The following DGCR2 variants were observed in gnomAD, a reference collection of about 807,000 sequenced individuals.
DGCR2 encodes integral membrane protein DGCR2/IDD.
DGCR2 carries 24 observed loss-of-function variants against 51.6 expected under a neutral mutation model. The observed-to-expected ratio is 0.47, with a 90% CI of 0.34 to 0.65. The LOEUF is 0.65. DGCR2 is among the 30% of genes least tolerant of loss of function. DGCR2 has a pLI of 0.01. For synonymous variants in DGCR2, 340 were observed against 315.4 expected (o/e 1.08, Z -0.82); for missense variants, 765 against 772.1 (o/e 0.99, Z 0.11).
chr22:19,048,166 T>G (rs1314267103), intron 7 of DGCR2: 15 of 526,428 alleles, frequency 2.8e-5, no homozygotes, highest in Non-Finnish European at 3.4e-5. Flanking sequence ...TGGTGACTTG[T>G]GAACAAACAG....
chr22:19,093,494 C>T (rs2083103308), intron 1 of DGCR2, among the ~76,000 whole-genome samples: 1 of 151,960 alleles, frequency 6.6e-6, no homozygotes, highest in Non-Finnish European at 1.5e-5. Flanking sequence ...AATATATCTA[C>T]CAAAAACACA....
intron 1 of DGCR2, among the ~76,000 whole-genome samples, chr22:19,114,151 G>GAAAAAAA: frequency 8.8e-6 from 1 of 113,070 alleles, no homozygotes. Context: ...TGTTACCAAA[G>GAAAAAAA]GAAAAAAAAA....
At chr22:19,071,475 G>C (rs1248052092) in intron 2 of DGCR2, among the ~76,000 whole-genome samples, 3 of 151,852 alleles carry the variant, frequency 2.0e-5, no homozygotes, top group African/African-American at 7.3e-5. Flanking sequence ...ACATAGTATT[G>C]CTACCTAAAA....
At chr22:19,120,750 T>C (rs774982728) in intron 1 of DGCR2, among the ~76,000 whole-genome samples, 13 of 152,142 alleles carry the variant, frequency 8.5e-5, no homozygotes, top group South Asian at 4.1e-4. Context: ...CACGTACATA[T>C]ATGTTTTCTA....
Position 19,096,914 on chromosome 22 carries a change from T to C in DGCR2, c.80-7424A>G, listed in dbSNP as rs544167258. Among the ~76,000 whole-genome samples, 185 of 150,592 alleles carry C rather than the reference T, an allele frequency of 1.2e-3. 1 individual carries two copies. Among genetic ancestry groups the C allele is most frequent in the African/African-American group, 4.4e-3 (180 of 40,920 alleles). ...AAAAACAAAAAAAAAAAACACCCTA[T>C]GGTGTTGTTCAAAGTAAATTCATAG... On this transcript the variant is annotated intron_variant, in intron 1 of 9. Transcript: ENST00000263196.
chr22:19,069,669 T>C (rs917750886), intron 2 of DGCR2, among the ~76,000 whole-genome samples: 3 of 152,196 alleles, frequency 2.0e-5, no homozygotes, highest in Non-Finnish European at 2.9e-5. Context: ...CAAATGGATT[T>C]CTTTCATCCC....
rs549145384 is a variant in DGCR2 at position 19,071,234 on chromosome 22, A to C, written c.203-3009T>G. On this transcript the variant is annotated intron_variant, in intron 2 of 9. Coordinates refer to ENST00000263196, the MANE Select transcript of DGCR2 (RefSeq NM_005137.3). Reference sequence around the variant, plus strand: ...ATGTGCCCCTCCTGCCTCCAGCACCACTAGAGTGCCACGCTGCTGCTTCCC... The same window carrying C: ...ATGTGCCCCTCCTGCCTCCAGCACCCCTAGAGTGCCACGCTGCTGCTTCCC... Among the ~76,000 whole-genome samples, 9 of 152,312 alleles carry C rather than the reference A, an allele frequency of 5.9e-5. No homozygotes were observed. In the East Asian group the frequency reaches 1.7e-3, roughly 29 times the overall value.
At chr22:19,044,956 A>G (rs1055303348) in intron 7 of DGCR2, among the ~76,000 whole-genome samples, 3 of 151,864 alleles carry the variant, frequency 2.0e-5, no homozygotes, top group African/African-American at 7.3e-5. Flanking sequence ...TGTGTTCCAA[A>G]GAACAGAAGT....
chr22:19,072,601 C>T (rs1015209479), intron 2 of DGCR2, among the ~76,000 whole-genome samples: 1 of 152,134 alleles, frequency 6.6e-6, no homozygotes, highest in Non-Finnish European at 1.5e-5. Context: ...GGACCGGGCA[C>T]GGTGCCTCAC....
intron 1 of DGCR2, among the ~76,000 whole-genome samples, chr22:19,094,688 T>C (rs1347360301): frequency 6.6e-6 from 1 of 152,260 alleles, no homozygotes; most frequent in East Asian, 1.9e-4. Flanking sequence ...CACAAAGACT[T>C]GTTCATAGTA....
At chr22:19,121,353 G>A (rs1284494072) in intron 1 of DGCR2, among the ~76,000 whole-genome samples, 1 of 152,190 alleles carries the variant, frequency 6.6e-6, no homozygotes, top group Non-Finnish European at 1.5e-5. Context: ...CCGTGGGCAA[G>A]TGATACCAGG....
chr22:19,115,417 T>C (rs2083363609), intron 1 of DGCR2, among the ~76,000 whole-genome samples: 1 of 152,102 alleles, frequency 6.6e-6, no homozygotes. Flanking sequence ...AGCAAGCTCC[T>C]ACCAGGGTGG....
intron 5 of DGCR2, among the ~76,000 whole-genome samples, chr22:19,059,657 G>C (rs1247814115): frequency 2.0e-5 from 3 of 152,072 alleles, no homozygotes; most frequent in African/African-American, 7.2e-5. Flanking sequence ...CAGGGTGGCG[G>C]CAAGTTTCCA....
At chr22:19,098,973 G>A (rs957726174) in intron 1 of DGCR2, among the ~76,000 whole-genome samples, 8 of 152,230 alleles carry the variant, frequency 5.3e-5, no homozygotes, top group South Asian at 2.1e-4. Context: ...AATGCCTAAT[G>A]AACTGCACAG....
rs759961985 is a variant in DGCR2 at position 19,063,208 on chromosome 22, A to T, written c.619T>A (p.Phe207Ile). 1 of 1,614,094 alleles carries T rather than the reference A, an allele frequency of 6.2e-7. No homozygotes were observed. Among genetic ancestry groups the T allele is most frequent in the South Asian group, 1.1e-5 (1 of 91,078 alleles). ...ACACACCAGAAGGGCTCACCTTTGA[A>T]TGCCACCTCCCAGCGACCTTCCAAG... The part of the protein sequence containing the change: ...RSLEGRWEVA[F>I]KGSSEVFLPP... Residue 207 changes from phenylalanine to isoleucine, a missense_variant, in exon 5 of 10, where the codon TTC becomes ATC. Coordinates refer to ENST00000263196, the MANE Select transcript of DGCR2 (RefSeq NM_005137.3).
intron 7 of DGCR2, among the ~76,000 whole-genome samples, chr22:19,043,129 C>G (rs992230766): frequency 6.6e-6 from 1 of 152,240 alleles, no homozygotes; most frequent in Non-Finnish European, 1.5e-5. Context: ...GAGTCCCAGC[C>G]AGGCTAGACG....
intron 7 of DGCR2, chr22:19,045,365 TAAAC>T (rs3079829): frequency 5.9e-5 from 9 of 151,750 alleles, no homozygotes; most frequent in African/African-American, 1.2e-4. Flanking sequence ...TGACTCGTCT[TAAAC>T]AAACAAAAAC....
intron 7 of DGCR2, among the ~76,000 whole-genome samples, chr22:19,044,827 C>T (rs909943010): frequency 3.9e-5 from 6 of 152,330 alleles, no homozygotes; most frequent in African/African-American, 1.4e-4. Context: ...TTTTCAATAG[C>T]ATTGTTTTGT....
chr22:19,055,584 G>T (rs574017503), intron 6 of DGCR2, among the ~76,000 whole-genome samples: 105 of 152,150 alleles, frequency 6.9e-4, no homozygotes, highest in Middle Eastern at 3.4e-3. Context: ...TTTGAAAGAA[G>T]AAACAAACCC....
Sources: gnomAD v4.1 joint callset for allele counts (sites outside exome capture counted in the v4.1 genomes callset) on GRCh38, gnomAD v4.1.1 for gene constraint, MANE v1.5 for transcripts, NCBI Gene and HGNC (gene_info 2026-07-23, HGNC 2026-07-21) for gene names.